The following CRISPLD2 variants were observed in gnomAD, a reference collection of about 807,000 sequenced individuals.
CRISPLD2 encodes cysteine-rich secretory protein LCCL domain-containing 2.
Under a neutral mutation model 71.1 loss-of-function variants are expected in CRISPLD2, and 47 were observed. That is an observed-to-expected ratio of 0.66 (90% confidence interval 0.52 to 0.84). The LOEUF (loss-of-function observed/expected upper bound fraction) is 0.84. CRISPLD2 is among the 40% of genes least tolerant of loss of function. The pLI, the probability that CRISPLD2 is intolerant of heterozygous loss-of-function variation, is 0.00. For missense variants in CRISPLD2, 830 were observed against 651.1 expected (o/e 1.27, Z -2.99); for synonymous variants, 317 against 250.1 (o/e 1.27, Z -2.52).
At chr16:84,904,622 A>G (rs2071785710) in intron 14 of CRISPLD2, among the ~76,000 whole-genome samples, 1 of 151,856 alleles carries the variant, frequency 6.6e-6, no homozygotes, top group Non-Finnish European at 1.5e-5. Context: ...AAAAAATTAA[A>G]AAAAAAAATG....
intron 1 of CRISPLD2, among the ~76,000 whole-genome samples, chr16:84,837,499 C>T (rs1248933696): frequency 6.6e-6 from 1 of 151,230 alleles, no homozygotes; most frequent in Non-Finnish European, 1.5e-5. Context: ...TCACTGCAAG[C>T]TCCGCCTCCC....
chr16:84,843,593 C>A (rs1916833807), intron 2 of CRISPLD2, among the ~76,000 whole-genome samples: 1 of 152,232 alleles, frequency 6.6e-6, no homozygotes, highest in East Asian at 1.9e-4. Flanking sequence ...GAACAAGAAA[C>A]CCTTTCTCAT....
At chr16:84,902,410 C>G (rs968408068) in intron 14 of CRISPLD2, among the ~76,000 whole-genome samples, 1 of 151,608 alleles carries the variant, frequency 6.6e-6, no homozygotes, top group Non-Finnish European at 1.5e-5. Flanking sequence ...GACATCGAGA[C>G]TATCCTGGCT....
In CRISPLD2 at chr16:84,867,047, C is replaced by T; in HGVS notation, c.853+7C>T. 6.2e-7 allele frequency: 1 copy of T among 1,611,006 alleles called. No individual in the cohort carries two copies. The highest frequency in any genetic ancestry group is 8.5e-7 in the Non-Finnish European group (1 of 1,177,408). On this transcript the variant is annotated splice_region_variant and intron_variant, in intron 7 of 14. Coordinates refer to ENST00000262424, the MANE Select transcript of CRISPLD2 (RefSeq NM_031476.4). ...TCTGCGGTCAACTACATGAGTGAGTCTAGGCCGTCCTCCGCCCCTCCTGCC... is the reference window on the plus strand; with the variant it reads ...TCTGCGGTCAACTACATGAGTGAGTTTAGGCCGTCCTCCGCCCCTCCTGCC...
intron 6 of CRISPLD2, among the ~76,000 whole-genome samples, chr16:84,860,660 T>C (rs1917354453): frequency 6.6e-6 from 1 of 152,070 alleles, no homozygotes; most frequent in Non-Finnish European, 1.5e-5. Flanking sequence ...GCAAAAAAGG[T>C]TTATCAGCAT....
chr16:84,897,837 G>C (rs1487473918), intron 14 of CRISPLD2, among the ~76,000 whole-genome samples: 1 of 152,174 alleles, frequency 6.6e-6, no homozygotes, highest in Non-Finnish European at 1.5e-5. Flanking sequence ...GGCTGGTCTC[G>C]AACCCCTGAC....
At chr16:84,834,273 C>A (rs1311142014) in intron 1 of CRISPLD2, among the ~76,000 whole-genome samples, 1 of 152,238 alleles carries the variant, frequency 6.6e-6, no homozygotes, top group Non-Finnish European at 1.5e-5. Flanking sequence ...GGGTTGCTGG[C>A]GTGAGCCCCT....
Position 84,886,513 on chromosome 16 carries a change from T to G in CRISPLD2, c.1306-2717T>G, listed in dbSNP as rs375555308. Among the ~76,000 whole-genome samples, 19 of 152,050 alleles carry G rather than the reference T, an allele frequency of 1.2e-4. No individual in the cohort carries two copies. The East Asian group carries it at 3.3e-3, about 26-fold the overall frequency. On this transcript the variant is annotated intron_variant, in intron 13 of 14. Coordinates refer to ENST00000262424, the MANE Select transcript of CRISPLD2 (RefSeq NM_031476.4). ...TTGGGTGTAGCTCCCCACTCCCCTC[T>G]CTGTTGTAGTAAAAAAAAAATTCAC...
intron 1 of CRISPLD2, chr16:84,828,216 C>T (rs1916403435): frequency 1.3e-5 from 2 of 152,108 alleles, no homozygotes; most frequent in Admixed American, 6.6e-5. Flanking sequence ...GCCCTGGAGC[C>T]CAGCACAGAG....
At chr16:84,823,915 A>T (rs992116894) in intron 1 of CRISPLD2, among the ~76,000 whole-genome samples, 9 of 152,206 alleles carry the variant, frequency 5.9e-5, no homozygotes, top group African/African-American at 2.2e-4. Flanking sequence ...CAGGAAAAAA[A>T]GTCATGCTCC....
At chr16:84,885,051 G>C (rs890717998) in intron 13 of CRISPLD2, among the ~76,000 whole-genome samples, 5 of 151,892 alleles carry the variant, frequency 3.3e-5, no homozygotes, top group Non-Finnish European at 7.4e-5. Flanking sequence ...ATTTCATCTT[G>C]TTGTTGTTGT....
chr16:84,854,690 G>C (rs778571255), intron 5 of CRISPLD2, 39 bp from the exon 6 acceptor site: 15 of 1,505,278 alleles, frequency 1.0e-5, no homozygotes, highest in Non-Finnish European at 1.4e-5. Context: ...GCCTCACGTC[G>C]TGGTTCCCTC....
intron 11 of CRISPLD2, among the ~76,000 whole-genome samples, chr16:84,876,559 G>A (rs1047157809): frequency 1.4e-5 from 2 of 146,490 alleles, no homozygotes; most frequent in Non-Finnish European, 3.0e-5. Context: ...TTGGGAGGCT[G>A]AGGCAGGTGG....
intron 12 of CRISPLD2, among the ~76,000 whole-genome samples, chr16:84,878,650 G>T (rs964559750): frequency 2.0e-5 from 3 of 152,180 alleles, no homozygotes; most frequent in Admixed American, 1.3e-4. Context: ...TAAAATAAAG[G>T]GTGTCCTGGG....
At chr16:84,828,782 GA>G (rs1177132473) in intron 1 of CRISPLD2, among the ~76,000 whole-genome samples, 1 of 150,168 alleles carries the variant, frequency 6.7e-6, no homozygotes, top group Non-Finnish European at 1.5e-5. Flanking sequence ...AGAGTTTGTT[GA>G]ATGACTATTT....
Position 84,840,250 on chromosome 16 carries a change from C to T in CRISPLD2, c.240+1515C>T, listed in dbSNP as rs911267114. Among the ~76,000 whole-genome samples the T allele has an allele frequency of 1.3e-5, 2 of 152,138 alleles. 1 individual carries two copies. Among genetic ancestry groups the T allele is most frequent in the Admixed American group, 1.3e-4 (2 of 15,270 alleles). ...CCCCCACAAAGCTGCCATGGAGGGT[C>T]GTGGCATGAGGGTTGAGTGGCTATT... On this transcript the variant is annotated intron_variant, in intron 2 of 14. Coordinates refer to ENST00000262424, the MANE Select transcript of CRISPLD2 (RefSeq NM_031476.4).
At chr16:84,896,901 G>C (rs1273311300) in intron 14 of CRISPLD2, among the ~76,000 whole-genome samples, 1 of 152,184 alleles carries the variant, frequency 6.6e-6, no homozygotes. Context: ...CTGGCTTCAG[G>C]ACTCCACAGG....
Position 84,873,922 on chromosome 16 carries a change from A to T in CRISPLD2, c.1115A>T (p.Lys372Ile), listed in dbSNP as rs772271835. 1.3e-6 allele frequency: 2 copies of T among 1,587,450 alleles called. No individual in the cohort carries two copies. The highest frequency in any genetic ancestry group is 1.7e-6 in the Non-Finnish European group (2 of 1,172,460). Residue 372 changes from lysine to isoleucine, a missense_variant and splice_region_variant, in exon 11 of 15, where the codon AAA becomes ATA. Lys to Ile is a moderately radical substitution (Grantham distance 102). Coordinates refer to ENST00000262424, the MANE Select transcript of CRISPLD2 (RefSeq NM_031476.4). ...SERHGVQSLS[K>I]YKPSSSFMVS... ...TTTTTTTTTTTTTTTTTAAACAGCA[A>T]ATACAAACCTTCCAGCTCATTCATG...
chr16:84,860,494 C>T (rs61036239), intron 6 of CRISPLD2, among the ~76,000 whole-genome samples: 29,913 of 152,084 alleles, frequency 0.2, 3,433 homozygotes, highest in East Asian at 0.52. Context: ...GGGGTTGGCT[C>T]CTGAGGAGAA....
Sources: gnomAD v4.1 joint callset for allele counts (sites outside exome capture counted in the v4.1 genomes callset) on GRCh38, gnomAD v4.1.1 for gene constraint, MANE v1.5 for transcripts, NCBI Gene and HGNC (gene_info 2026-07-23, HGNC 2026-07-21) for gene names.